Variants in CTNNA2 observed in about 807,000 individuals in gnomAD.
The protein encoded by CTNNA2 is catenin alpha-2.
CTNNA2 carries 42 observed loss-of-function variants against 101.0 expected under a neutral mutation model. That is an observed-to-expected ratio of 0.42 (90% CI 0.32 to 0.54). The LOEUF (loss-of-function observed/expected upper bound fraction) is 0.54. CTNNA2 is among the 20% of genes least tolerant of loss of function. The probability of loss-of-function intolerance (pLI) is 0.14; values close to 1 mark genes in which losing one functional copy is unlikely to be tolerated. For synonymous variants in CTNNA2, 450 were observed against 456.4 expected, an observed-to-expected ratio of 0.99 and a Z score of 0.18; for missense variants, 871 against 1,223.1, an observed-to-expected ratio of 0.71 and a Z score of 4.29.
chr2:80,228,198 A>G lies in CTNNA2; in HGVS notation c.1057-165013A>G, dbSNP rs192581152. ...TCCATTTGGGCTGCCATAATAAAAT[A>G]TCTTTGACCAGGCGATTTATAAACA... On this transcript the variant is annotated intron_variant, in intron 7 of 18. Coordinates refer to ENST00000402739, the MANE Select transcript of CTNNA2 (RefSeq NM_001282597.3). Among the ~76,000 whole-genome samples the G allele has an allele frequency of 1.4e-4, 22 of 152,332 alleles. No individual in the cohort carries two copies. The East Asian group carries it at 4.2e-3, about 29-fold the overall frequency.
chr2:80,481,164 T>G (rs2149499816), intron 9 of CTNNA2, among the ~76,000 whole-genome samples: 1 of 152,234 alleles, frequency 6.6e-6, no homozygotes, highest in African/African-American at 2.4e-5. Flanking sequence ...TGACAGTAAC[T>G]CTGGTGGCTA....
chr2:80,447,009 A>T (rs943994907), intron 9 of CTNNA2, among the ~76,000 whole-genome samples: 2 of 152,164 alleles, frequency 1.3e-5, no homozygotes, highest in Non-Finnish European at 1.5e-5. Context: ...TTTCCCCATA[A>T]ATTTGATGAG....
At chr2:80,274,426 G>A (rs573100776) in intron 7 of CTNNA2, among the ~76,000 whole-genome samples, 1 of 152,166 alleles carries the variant, frequency 6.6e-6, no homozygotes, top group African/African-American at 2.4e-5. Flanking sequence ...TAAAAGCCCA[G>A]TTCGCTCTGG....
chr2:79,661,064 T>C (rs1341738165), intron 2 of CTNNA2, among the ~76,000 whole-genome samples: 1 of 149,604 alleles, frequency 6.7e-6, no homozygotes, highest in Non-Finnish European at 1.5e-5. Flanking sequence ...CTCCCTGTCT[T>C]TTGTGTTTGG....
chr2:79,426,794 G>A (rs1191759401), intron 4 of CTNNA2, among the ~76,000 whole-genome samples: 4 of 151,956 alleles, frequency 2.6e-5, no homozygotes, highest in African/African-American at 9.7e-5. Flanking sequence ...CATTCATTCA[G>A]GTCAATAAAA....
chr2:80,384,421 A>G (rs948369879), intron 7 of CTNNA2, among the ~76,000 whole-genome samples: 1 of 148,234 alleles, frequency 6.7e-6, no homozygotes, highest in African/African-American at 2.6e-5. Flanking sequence ...CTCAAAGTTA[A>G]AAGAAAAAAA....
At chr2:79,884,760 T>TG (rs1236477031) in intron 6 of CTNNA2, among the ~76,000 whole-genome samples, 1 of 151,794 alleles carries the variant, frequency 6.6e-6, no homozygotes, top group Non-Finnish European at 1.5e-5. Flanking sequence ...GCTTTTTTTT[T>TG]TTTTTCTGTT....
In CTNNA2 at chr2:80,420,701, C is replaced by T. The variant is rs191032964; in HGVS notation, c.1290+1100C>T. Among the ~76,000 whole-genome samples, 76 of 152,108 alleles carry T rather than the reference C, an allele frequency of 5.0e-4. 1 individual carries two copies. The highest frequency in any genetic ancestry group is 1.6e-3 in the African/African-American group (67 of 41,468). On this transcript the variant is annotated intron_variant, in intron 9 of 18. Transcript: ENST00000402739. ...GCATGCTAAGCACCTGCTTAGTTTG[C>T]GCCTTGGTTAATCCAGCACTGCAGG...
At chr2:79,853,670 CTTTT>C (rs10607231) in intron 3 of CTNNA2, among the ~76,000 whole-genome samples, 2 of 129,906 alleles carry the variant, frequency 1.5e-5, no homozygotes, top group Non-Finnish European at 1.6e-5. Context: ...TATTATTTTT[CTTTT>C]TTTTTTTTTT....
intron 18 of CTNNA2, among the ~76,000 whole-genome samples, chr2:80,632,314 A>G (rs1314548076): frequency 6.6e-6 from 1 of 151,422 alleles, no homozygotes; most frequent in East Asian, 2.0e-4. Flanking sequence ...AGGACAATGC[A>G]GTAAATAAGT....
intron 4 of CTNNA2, among the ~76,000 whole-genome samples, chr2:79,384,871 G>T (rs922640425): frequency 3.9e-5 from 6 of 152,204 alleles, no homozygotes; most frequent in African/African-American, 1.2e-4. Flanking sequence ...TAGGAATTTG[G>T]TTCGATATCA....
intron 6 of CTNNA2, 74 bp downstream of exon 6, chr2:79,874,416 A>C: frequency 6.6e-7 from 1 of 1,509,154 alleles, no homozygotes; most frequent in South Asian, 1.2e-5. Flanking sequence ...TTGAGGATGA[A>C]GGGCCACTAC....
intron 7 of CTNNA2, among the ~76,000 whole-genome samples, chr2:80,118,484 A>C (rs894931604): frequency 6.6e-6 from 1 of 152,194 alleles, no homozygotes; most frequent in Admixed American, 6.5e-5. Flanking sequence ...TGATTTGTTT[A>C]GTTTAATAAG....
intron 7 of CTNNA2, among the ~76,000 whole-genome samples, chr2:80,270,885 T>C (rs60006979): frequency 0.041 from 6,279 of 152,306 alleles, 164 homozygotes; most frequent in South Asian, 0.082. Context: ...CCTGGTATAT[T>C]CAGATGATTG....
intron 7 of CTNNA2, among the ~76,000 whole-genome samples, chr2:80,085,106 A>C (rs1699361753): frequency 6.6e-6 from 1 of 152,070 alleles, no homozygotes; most frequent in Non-Finnish European, 1.5e-5. Flanking sequence ...TGTCAGTGAG[A>C]ATAGGCCAAG....
At chr2:80,556,155 A>G (rs1056992454) in intron 12 of CTNNA2, among the ~76,000 whole-genome samples, 13 of 152,188 alleles carry the variant, frequency 8.5e-5, no homozygotes, top group Admixed American at 5.9e-4. Flanking sequence ...CAAACAATAA[A>G]ATTTTTCTGC....
intron 7 of CTNNA2, among the ~76,000 whole-genome samples, chr2:80,379,663 C>G (rs998082373): frequency 6.6e-6 from 1 of 152,112 alleles, no homozygotes; most frequent in Non-Finnish European, 1.5e-5. Flanking sequence ...TCCTAGGCCA[C>G]AATTGGAGAG....
chr2:80,306,966 G>C (rs959966068), intron 7 of CTNNA2, among the ~76,000 whole-genome samples: 15 of 151,666 alleles, frequency 9.9e-5, no homozygotes, highest in Admixed American at 4.6e-4. Flanking sequence ...TAAATTCACT[G>C]ATTTATATGT....
At chr2:80,411,509 G>C (rs1679571604) in intron 8 of CTNNA2, among the ~76,000 whole-genome samples, 1 of 152,118 alleles carries the variant, frequency 6.6e-6, no homozygotes, top group African/African-American at 2.4e-5. Context: ...CATGGGTGGG[G>C]AAGAGGGGAG....
Sources: allele counts gnomAD v4.1 joint callset (sites outside exome capture counted in the v4.1 genomes callset), GRCh38; gene constraint gnomAD v4.1.1; transcripts MANE v1.5; gene names NCBI Gene and HGNC (gene_info 2026-07-23, HGNC 2026-07-21).